Variants in KSR2 observed in about 807,000 individuals in gnomAD.
The protein encoded by KSR2 is kinase suppressor of ras 2.
KSR2 carries 25 observed loss-of-function variants against 107.8 expected under a neutral mutation model. That is an observed-to-expected ratio of 0.23 (90% CI 0.17 to 0.32). The LOEUF is 0.32. Among genes scored for constraint, KSR2 ranks in the 10% least tolerant of loss-of-function variants. The pLI is 1.00. For missense variants in KSR2, 887 were observed against 1,268.9 expected (o/e 0.70, Z 4.57); for synonymous variants, 480 against 507.0 (o/e 0.95, Z 0.71).
At chr12:117,857,784 T>C (rs563497073) in intron 2 of KSR2, among the ~76,000 whole-genome samples, 9 of 152,318 alleles carry the variant, frequency 5.9e-5, no homozygotes, top group South Asian at 4.1e-4. Context: ...CAGCAAGTCA[T>C]TGGTGGAGCC....
intron 3 of KSR2, among the ~76,000 whole-genome samples, chr12:117,798,397 C>T (rs113863130): frequency 0.011 from 1,737 of 152,302 alleles, 35 homozygotes; most frequent in African/African-American, 0.039. Context: ...CTTTGGGAGG[C>T]CAAGGCAGGC....
chr12:117,554,518 T>C (rs1480837631), intron 9 of KSR2, among the ~76,000 whole-genome samples: 1 of 152,126 alleles, frequency 6.6e-6, no homozygotes, highest in Non-Finnish European at 1.5e-5. Flanking sequence ...TCATCTTGAA[T>C]TGTAGCTCCC....
intron 3 of KSR2, among the ~76,000 whole-genome samples, chr12:117,785,799 A>G (rs539257155): frequency 7.9e-5 from 12 of 152,356 alleles, no homozygotes; most frequent in African/African-American, 2.4e-4. Flanking sequence ...AAAAGCCCCA[A>G]GGAGCAATTA....
intron 1 of KSR2, among the ~76,000 whole-genome samples, chr12:117,884,290 A>T (rs533861685): frequency 6.6e-6 from 1 of 152,316 alleles, no homozygotes; most frequent in South Asian, 2.1e-4. Flanking sequence ...CAACACAGGC[A>T]AAAGGAAGAG....
intron 1 of KSR2, among the ~76,000 whole-genome samples, chr12:117,939,604 C>T (rs1470048548): frequency 2.0e-5 from 3 of 152,052 alleles, no homozygotes; most frequent in East Asian, 1.9e-4. Context: ...CTCACCTACT[C>T]GGGAGGCTGA....
intron 5 of KSR2, among the ~76,000 whole-genome samples, chr12:117,661,557 G>T (rs1884433003): frequency 6.6e-6 from 1 of 152,134 alleles, no homozygotes. Flanking sequence ...CTGTAAATTT[G>T]AAATTACTTC....
At chr12:117,782,050 G>A (rs1889906762) in intron 3 of KSR2, among the ~76,000 whole-genome samples, 1 of 152,158 alleles carries the variant, frequency 6.6e-6, no homozygotes, top group South Asian at 2.1e-4. Context: ...GTCTGATGCT[G>A]GGAGATAGGG....
intron 5 of KSR2, among the ~76,000 whole-genome samples, chr12:117,622,130 T>C (rs11068579): frequency 0.36 from 54,307 of 151,874 alleles, 11,835 homozygotes; most frequent in South Asian, 0.48. Flanking sequence ...TTGAGACCAT[T>C]TTCATCAGTG....
chr12:117,769,000 GCAAT>G (rs1399443924), intron 3 of KSR2, among the ~76,000 whole-genome samples: 1 of 152,182 alleles, frequency 6.6e-6, no homozygotes, highest in Non-Finnish European at 1.5e-5. Context: ...ACTGATCACA[GCAAT>G]AGGAAATGCA....
At chr12:117,716,681 T>TTA (rs1886993896) in intron 4 of KSR2, among the ~76,000 whole-genome samples, 1 of 152,222 alleles carries the variant, frequency 6.6e-6, no homozygotes. Context: ...CTATATTCTA[T>TTA]TCCCAGACTT....
intron 18 of KSR2, 149 bp from the exon 19 acceptor site, chr12:117,469,944 C>CCATCCATCCATCCAT (rs141703862): frequency 0.13 from 96,794 of 732,122 alleles, 7,952 homozygotes; most frequent in African/African-American, 0.3. Context: ...CATCCATCCA[C>CCATCCATCCATCCAT]CCATCCGGTA....
At chr12:117,617,611 T>C (rs1030405375) in intron 5 of KSR2, among the ~76,000 whole-genome samples, 1 of 152,234 alleles carries the variant, frequency 6.6e-6, no homozygotes, top group Non-Finnish European at 1.5e-5. Flanking sequence ...ATATACTGTA[T>C]GAAGCAATTT....
At chr12:117,872,800 T>C (rs2137290353) in intron 1 of KSR2, among the ~76,000 whole-genome samples, 1 of 152,278 alleles carries the variant, frequency 6.6e-6, no homozygotes, top group Admixed American at 6.5e-5. Context: ...AACCCCATTC[T>C]AGAAGCCAGG....
intron 3 of KSR2, among the ~76,000 whole-genome samples, chr12:117,815,392 T>C (rs1232758846): frequency 6.6e-6 from 1 of 151,758 alleles, no homozygotes; most frequent in East Asian, 2.0e-4. Context: ...CCGTGATACA[T>C]GTATAAGAAA....
chr12:117,888,264 A>G (rs1894237642), intron 1 of KSR2, among the ~76,000 whole-genome samples: 1 of 152,188 alleles, frequency 6.6e-6, no homozygotes, highest in Non-Finnish European at 1.5e-5. Flanking sequence ...CAAAGACACA[A>G]ACACAAATTT....
chr12:117,766,192 G>A (rs4767612), intron 3 of KSR2, among the ~76,000 whole-genome samples: 43,888 of 152,112 alleles, frequency 0.29, 6,908 homozygotes, highest in East Asian at 0.57. Flanking sequence ...AATGTGGTAC[G>A]TCCATATAAT....
chr12:117,621,267 A>C (rs1882181289), intron 5 of KSR2, among the ~76,000 whole-genome samples: 1 of 152,144 alleles, frequency 6.6e-6, no homozygotes, highest in Admixed American at 6.6e-5. Flanking sequence ...AAGTTTCCTG[A>C]GGCTTCCCCA....
chr12:117,741,206 T>A (rs1381534749), intron 4 of KSR2, among the ~76,000 whole-genome samples: 2 of 151,878 alleles, frequency 1.3e-5, no homozygotes, highest in African/African-American at 4.8e-5. Context: ...GAAATAAGAA[T>A]CTATGAGTCT....
chr12:117,540,800 A>G (rs1876430524), intron 9 of KSR2, among the ~76,000 whole-genome samples: 1 of 152,194 alleles, frequency 6.6e-6, no homozygotes, highest in Admixed American at 6.5e-5. Flanking sequence ...CTAGAAGGCA[A>G]CCTTGCTGGC....
Sources: gnomAD v4.1 joint callset for allele counts (sites outside exome capture counted in the v4.1 genomes callset) on GRCh38, gnomAD v4.1.1 for gene constraint, MANE v1.5 for transcripts, NCBI Gene and HGNC (gene_info 2026-07-23, HGNC 2026-07-21) for gene names.